NEGR1: variants seen among roughly 807,000 people sequenced by gnomAD.
NEGR1 encodes IgLON family member 4.
A neutral mutation model predicts 40.9 loss-of-function variants in NEGR1; 10 were observed. The ratio of observed to expected loss-of-function variants is 0.24; its 90% CI spans 0.15 to 0.42. The LOEUF is 0.42. Among genes scored for constraint, NEGR1 ranks in the 10% least tolerant of loss-of-function variants. The pLI is 1.00. For missense variants in NEGR1, 352 were observed against 438.9 expected (o/e 0.80, Z 1.77); for synonymous variants, 185 against 166.8 (o/e 1.11, Z -0.84).
intron 4 of NEGR1, among the ~76,000 whole-genome samples, chr1:71,683,588 A>T (rs1392312548): frequency 6.6e-6 from 1 of 150,948 alleles, no homozygotes; most frequent in Non-Finnish European, 1.5e-5. Flanking sequence ...CTCAGGTTTA[A>T]TTTTTTTTTA....
intron 2 of NEGR1, among the ~76,000 whole-genome samples, chr1:71,878,500 T>C (rs61072543): frequency 0.01 from 1,550 of 152,328 alleles, 22 homozygotes; most frequent in African/African-American, 0.035. Flanking sequence ...TCTGCAATAA[T>C]GTTTGTAACA....
At chr1:71,895,398 A>C (rs569272329) in intron 2 of NEGR1, among the ~76,000 whole-genome samples, 1 of 152,218 alleles carries the variant, frequency 6.6e-6, no homozygotes, top group Non-Finnish European at 1.5e-5. Flanking sequence ...TTTTGTAAGC[A>C]TCATATTTTC....
chr1:71,797,097 C>T (rs752603437), intron 2 of NEGR1, among the ~76,000 whole-genome samples: 5 of 152,072 alleles, frequency 3.3e-5, no homozygotes, highest in Non-Finnish European at 5.9e-5. Context: ...ACGGGAATGC[C>T]AAAGGAGAGC....
chr1:72,139,736 AAG>A (rs1193854538), intron 1 of NEGR1, among the ~76,000 whole-genome samples: 89 of 152,214 alleles, frequency 5.8e-4, no homozygotes, highest in African/African-American at 2.0e-3. Context: ...GGAGGGATGA[AAG>A]AGTGAAATTA....
At chr1:72,051,691 G>C (rs1413653084) in intron 1 of NEGR1, among the ~76,000 whole-genome samples, 3 of 151,498 alleles carry the variant, frequency 2.0e-5, no homozygotes, top group African/African-American at 7.2e-5. Flanking sequence ...TGGCAGCATA[G>C]TTTTGCTGCT....
chr1:72,275,990 G>C (rs926826073), intron 1 of NEGR1, among the ~76,000 whole-genome samples: 8 of 152,058 alleles, frequency 5.3e-5, no homozygotes, highest in African/African-American at 1.9e-4. Flanking sequence ...CAGCTACTCA[G>C]AGGGCTAAGG....
At chr1:72,009,525 T>TA (rs535786339) in intron 1 of NEGR1, among the ~76,000 whole-genome samples, 54 of 151,204 alleles carry the variant, frequency 3.6e-4, no homozygotes, top group South Asian at 4.2e-4. Context: ...GATCTTAAGA[T>TA]AAAAAAAAAT....
intron 3 of NEGR1, among the ~76,000 whole-genome samples, chr1:71,703,572 TATA>T (rs1245514482): frequency 4.1e-4 from 60 of 147,078 alleles, no homozygotes; most frequent in South Asian, 4.0e-3. Context: ...AAAAAATAAA[TATA>T]ATGAAGAAAC....
intron 3 of NEGR1, among the ~76,000 whole-genome samples, chr1:71,769,163 CTTTAA>C (rs1478041059): frequency 6.6e-6 from 1 of 151,294 alleles, no homozygotes; most frequent in African/African-American, 2.4e-5. Flanking sequence ...AATTTTTTTC[CTTTAA>C]TTTTTTATTT....
At chr1:71,937,117 A>C (rs1288500268) in intron 1 of NEGR1, among the ~76,000 whole-genome samples, 3 of 152,192 alleles carry the variant, frequency 2.0e-5, no homozygotes, top group Non-Finnish European at 4.4e-5. Context: ...TGGGTGAAAA[A>C]GTAAGGAACA....
intron 6 of NEGR1, among the ~76,000 whole-genome samples, chr1:71,421,830 A>G (rs552620756): frequency 1.3e-5 from 2 of 152,204 alleles, no homozygotes; most frequent in African/African-American, 2.4e-5. Context: ...TAATTTTTTA[A>G]TCTTTAAATT....
chr1:72,122,347 C>A (rs1053017344), intron 1 of NEGR1, among the ~76,000 whole-genome samples: 2 of 151,910 alleles, frequency 1.3e-5, no homozygotes, highest in Admixed American at 1.3e-4. Flanking sequence ...TCCCCCAGGA[C>A]CCTATTTGTA....
intron 2 of NEGR1, among the ~76,000 whole-genome samples, chr1:71,821,535 T>C (rs1658429210): frequency 6.6e-6 from 1 of 152,000 alleles, no homozygotes; most frequent in Admixed American, 6.6e-5. Flanking sequence ...GAACAAAATT[T>C]GAGTGAAACC....
intron 1 of NEGR1, among the ~76,000 whole-genome samples, chr1:72,127,676 C>G (rs951629388): frequency 6.6e-6 from 1 of 151,842 alleles, no homozygotes; most frequent in African/African-American, 2.4e-5. Context: ...ATAAATAGAT[C>G]AACAAGTAGT....
At chr1:71,790,103 A>G (rs2101734076) in intron 2 of NEGR1, among the ~76,000 whole-genome samples, 1 of 152,184 alleles carries the variant, frequency 6.6e-6, no homozygotes, top group East Asian at 1.9e-4. Context: ...TTCTATGAAC[A>G]TATTGAGTGT....
chr1:71,915,814 A>AT (rs1182772900), intron 2 of NEGR1, among the ~76,000 whole-genome samples: 5 of 152,222 alleles, frequency 3.3e-5, no homozygotes, highest in Non-Finnish European at 7.3e-5. Flanking sequence ...AAGAGATCAT[A>AT]TATTGAGAAG....
At chr1:72,243,993 G>C (rs1276595967) in intron 1 of NEGR1, among the ~76,000 whole-genome samples, 1 of 151,694 alleles carries the variant, frequency 6.6e-6, no homozygotes, top group Non-Finnish European at 1.5e-5. Context: ...ATCCTTTCAG[G>C]TTTATCTAAG....
intron 3 of NEGR1, among the ~76,000 whole-genome samples, chr1:71,719,276 T>C (rs1273427797): frequency 1.3e-5 from 2 of 152,220 alleles, no homozygotes; most frequent in South Asian, 4.1e-4. Flanking sequence ...TAAAAAGTTA[T>C]GTCTTATTCA....
rs1469595922 is a variant in NEGR1 at position 72,079,102 on chromosome 1, T to G, written c.177-143791A>C. Among the ~76,000 whole-genome samples the G allele has an allele frequency of 1.4e-5, 2 of 148,030 alleles. 1 individual carries two copies. ...ATTTAACAGAATATATATATATATA[T>G]ATATATATAATATTATATACATAAT... On this transcript the variant is annotated intron_variant, in intron 1 of 6. Coordinates refer to ENST00000357731, the MANE Select transcript of NEGR1 (RefSeq NM_173808.3).
Sources: allele counts gnomAD v4.1 joint callset (sites outside exome capture counted in the v4.1 genomes callset), GRCh38; gene constraint gnomAD v4.1.1; transcripts MANE v1.5; gene names NCBI Gene and HGNC (gene_info 2026-07-23, HGNC 2026-07-21).